Variants in GRIK1 observed in about 807,000 individuals in gnomAD.
GRIK1 encodes the protein glutamate ionotropic receptor kainate type subunit 1, also known as glutamate receptor ionotropic, kainate 1.
Under a neutral mutation model 105.7 loss-of-function variants are expected in GRIK1, and 69 were observed. The ratio of observed to expected loss-of-function variants is 0.65; its 90% CI spans 0.54 to 0.80. The LOEUF (loss-of-function observed/expected upper bound fraction) is 0.80. Among genes scored for constraint, GRIK1 ranks in the 30% least tolerant of loss-of-function variants. GRIK1 has a pLI of 0.00. For synonymous variants in GRIK1, 438 were observed against 431.3 expected, an observed-to-expected ratio of 1.02 and a Z score of -0.19; for missense variants, 1,109 against 1,167.3, an observed-to-expected ratio of 0.95 and a Z score of 0.73.
At chr21:29,887,086 C>T (rs972622746) in intron 1 of GRIK1, among the ~76,000 whole-genome samples, 2 of 152,190 alleles carry the variant, frequency 1.3e-5, no homozygotes, top group East Asian at 3.9e-4. Flanking sequence ...TTATAAGTAT[C>T]GAGGAAGATT....
intron 14 of GRIK1, among the ~76,000 whole-genome samples, chr21:29,572,930 C>T (rs1190226276): frequency 2.6e-5 from 4 of 152,084 alleles, no homozygotes; most frequent in Admixed American, 1.3e-4. Flanking sequence ...GCCACCACGC[C>T]GGGCTAATAT....
At chr21:29,564,233 C>T (rs1218533317) in intron 14 of GRIK1, among the ~76,000 whole-genome samples, 3 of 151,882 alleles carry the variant, frequency 2.0e-5, no homozygotes, top group South Asian at 2.1e-4. Context: ...CTGCAAGCTC[C>T]GCCTCCCGGG....
intron 7 of GRIK1, among the ~76,000 whole-genome samples, chr21:29,630,997 G>A (rs1438542644): frequency 1.3e-5 from 2 of 151,824 alleles, no homozygotes; most frequent in Admixed American, 6.6e-5. Context: ...TTGTAGAGAG[G>A]GGGTTTCACC....
chr21:29,772,437 G>A (rs564385641), intron 1 of GRIK1, among the ~76,000 whole-genome samples: 23 of 152,288 alleles, frequency 1.5e-4, no homozygotes, highest in African/African-American at 5.5e-4. Context: ...CAATACACTA[G>A]TGTAAACCAT....
At chr21:29,610,177 G>C (rs925799372) in intron 7 of GRIK1, among the ~76,000 whole-genome samples, 1 of 152,136 alleles carries the variant, frequency 6.6e-6, no homozygotes, top group Non-Finnish European at 1.5e-5. Flanking sequence ...TCACCAAAAT[G>C]TCTAGGTGCT....
intron 1 of GRIK1, among the ~76,000 whole-genome samples, chr21:29,812,096 C>T (rs542414085): frequency 6.6e-6 from 1 of 152,182 alleles, no homozygotes; most frequent in East Asian, 1.9e-4. Context: ...ATGTGTGTGT[C>T]TGTGTGTGAA....
At chr21:29,649,734 T>G (rs363586) in intron 6 of GRIK1, among the ~76,000 whole-genome samples, 8,223 of 152,314 alleles carry the variant, frequency 0.054, 281 homozygotes, top group Admixed American at 0.1. Context: ...ATACTTGTGA[T>G]GAATATTTAA....
rs1395079310 is a variant in GRIK1, at chr21:29,707,452, C to CT, written c.119-13390dup. ...CCTTCCTCCCTCCCTCCCTCCCTCC[C>CT]TCCCTCCCTCCCTCCCTCCCTCTCT... On this transcript the variant is annotated intron_variant, in intron 1 of 17. Transcript: ENST00000327783. Among the ~76,000 whole-genome samples, 157 of 104,132 alleles carry CT rather than the reference C, an allele frequency of 1.5e-3. 8 individuals are homozygous for CT. Among genetic ancestry groups the CT allele is most frequent in the African/African-American group, 4.5e-3 (116 of 25,794 alleles). 68.3% of individuals were successfully genotyped at this position (104,132 alleles called of 152,430 possible).
chr21:29,644,335 C>A (rs1378852659), intron 6 of GRIK1, among the ~76,000 whole-genome samples: 1 of 152,034 alleles, frequency 6.6e-6, no homozygotes, highest in Non-Finnish European at 1.5e-5. Context: ...TTTTTGAAGG[C>A]AGAAACTGCT....
chr21:29,781,503 A>G (rs2066098403), intron 1 of GRIK1, among the ~76,000 whole-genome samples: 1 of 152,084 alleles, frequency 6.6e-6, no homozygotes, highest in African/African-American at 2.4e-5. Context: ...AAGCTGGTGA[A>G]CATTCAATGG....
intron 1 of GRIK1, among the ~76,000 whole-genome samples, chr21:29,903,574 A>G (rs2070492263): frequency 6.6e-6 from 1 of 152,192 alleles, no homozygotes; most frequent in Non-Finnish European, 1.5e-5. Context: ...AATCAAAACC[A>G]CAATGAGATA....
chr21:29,606,024 A>C (rs1409706452), intron 7 of GRIK1, among the ~76,000 whole-genome samples: 1 of 151,922 alleles, frequency 6.6e-6, no homozygotes, highest in Non-Finnish European at 1.5e-5. Context: ...GAAGCAAAAA[A>C]AAAAAAAAAA....
At chr21:29,704,727 CT>C (rs2063872443) in intron 1 of GRIK1, among the ~76,000 whole-genome samples, 1 of 152,122 alleles carries the variant, frequency 6.6e-6, no homozygotes, top group Non-Finnish European at 1.5e-5. Flanking sequence ...CCATTACTGC[CT>C]TTTTAGCAGT....
intron 4 of GRIK1, among the ~76,000 whole-genome samples, chr21:29,670,180 C>T (rs363516): frequency 0.035 from 5,331 of 152,154 alleles, 108 homozygotes; most frequent in South Asian, 0.078. Context: ...TAGTCTAGAA[C>T]GAAAACTGGA....
intron 1 of GRIK1, among the ~76,000 whole-genome samples, chr21:29,758,570 C>T (rs1423325204): frequency 6.6e-6 from 1 of 152,158 alleles, no homozygotes; most frequent in Non-Finnish European, 1.5e-5. Flanking sequence ...TTTGGGTGGG[C>T]ACACAGCCAA....
Position 29,596,736 on chromosome 21 carries a change from A to T in GRIK1, c.1207-166T>A, listed in dbSNP as rs550032629. 47 of 632,664 alleles carry T rather than the reference A, an allele frequency of 7.4e-5. No homozygotes were observed. In the African/African-American group the frequency reaches 7.6e-4, roughly 10 times the overall value. 39.2% of individuals were successfully genotyped at this position (632,664 alleles called of 1,614,324 possible). A position where few individuals can be genotyped will look rare whatever the true frequency, so the allele number is the denominator to read the frequency against. On this transcript the variant is annotated intron_variant, in intron 8 of 17. Transcript: ENST00000327783. ...ATAAAGCCTGACAATAGGTACAGCA[A>T]AGAGACGAATCAAGACTTGGGTCTC...
intron 1 of GRIK1, among the ~76,000 whole-genome samples, chr21:29,807,479 G>T (rs2066897133): frequency 1.3e-5 from 2 of 152,012 alleles, no homozygotes; most frequent in Non-Finnish European, 2.9e-5. Flanking sequence ...ATAGGGTCAG[G>T]TTGCTTGTAT....
intron 14 of GRIK1, among the ~76,000 whole-genome samples, chr21:29,573,801 A>G (rs890640707): frequency 6.6e-6 from 1 of 151,088 alleles, no homozygotes; most frequent in African/African-American, 2.4e-5. Flanking sequence ...GTGAGCCAAG[A>G]CTGCGCCACT....
intron 4 of GRIK1, among the ~76,000 whole-genome samples, chr21:29,664,450 A>G (rs2063022420): frequency 6.6e-6 from 1 of 152,224 alleles, no homozygotes; most frequent in Non-Finnish European, 1.5e-5. Flanking sequence ...TTCTCAAATA[A>G]TGTGACATAT....
Sources: gnomAD v4.1 joint callset for allele counts (sites outside exome capture counted in the v4.1 genomes callset) on GRCh38, gnomAD v4.1.1 for gene constraint, MANE v1.5 for transcripts, NCBI Gene and HGNC (gene_info 2026-07-23, HGNC 2026-07-21) for gene names.